The following DLG1 variants were observed in gnomAD, a reference collection of about 807,000 sequenced individuals.
DLG1 encodes discs large MAGUK scaffold protein 1.
A neutral mutation model predicts 123.4 loss-of-function variants in DLG1; 42 were observed. The ratio of observed to expected loss-of-function variants is 0.34; its 90% confidence interval spans 0.27 to 0.44. DLG1 has a LOEUF of 0.44. Among genes scored for constraint, DLG1 ranks in the 20% least tolerant of loss-of-function variants. The pLI is 1.00. For missense variants in DLG1, 942 were observed against 1,082.6 expected (o/e 0.87, Z 1.82); for synonymous variants, 317 against 356.2 (o/e 0.89, Z 1.24).
intron 6 of DLG1, among the ~76,000 whole-genome samples, chr3:197,145,113 A>C (rs1790097794): frequency 1.3e-5 from 2 of 152,024 alleles, no homozygotes; most frequent in Admixed American, 1.3e-4. Flanking sequence ...TAGGAGGAGT[A>C]ACTTCAAGAG....
chr3:197,159,180 A>AT (rs1189856069), intron 5 of DLG1, among the ~76,000 whole-genome samples: 1 of 152,200 alleles, frequency 6.6e-6, no homozygotes, highest in Non-Finnish European at 1.5e-5. Context: ...TCTTTCTGCA[A>AT]TATTAAGCAG....
In DLG1 at chr3:197,282,704, G is replaced by T. The variant is rs150727151; in HGVS notation, c.293C>A (p.Pro98Gln). 2 of 1,605,558 alleles carry T rather than the reference G, an allele frequency of 1.2e-6. No homozygotes were observed. The highest frequency in any genetic ancestry group is 1.7e-6 in the Non-Finnish European group (2 of 1,177,256). The change falls in exon 4 of 25, where the codon CCA becomes CAA. Residue 98 changes from proline (P) to glutamine (Q), a missense_variant. Transcript: ENST00000667157. ...PSSTVTSETL[P>Q]SSLSPSVEKY... is the part of the protein sequence containing the mutation. ...CTCTACACTAGGGCTAAGGCTGCTTGGCAGTGTCTCTGAAGTCACAGTAGA... is the reference window on the plus strand; with the variant it reads ...CTCTACACTAGGGCTAAGGCTGCTTTGCAGTGTCTCTGAAGTCACAGTAGA...
At chr3:197,169,910 C>T (rs1327699443) in intron 5 of DLG1, among the ~76,000 whole-genome samples, 4 of 152,134 alleles carry the variant, frequency 2.6e-5, no homozygotes, top group Non-Finnish European at 2.9e-5. Flanking sequence ...TCTCCCTCCT[C>T]GTACTCTCCA....
At chr3:197,295,061 A>G (rs964077161) in intron 3 of DLG1, among the ~76,000 whole-genome samples, 1 of 152,238 alleles carries the variant, frequency 6.6e-6, no homozygotes, top group African/African-American at 2.4e-5. Flanking sequence ...TTGATCATCC[A>G]TTCGGACCTT....
intron 22 of DLG1, among the ~76,000 whole-genome samples, chr3:197,064,953 T>C (rs550692965): frequency 2.2e-4 from 33 of 152,088 alleles, no homozygotes; most frequent in African/African-American, 7.0e-4. Flanking sequence ...ACTGTAAGGG[T>C]GCACTGCCAC....
intron 4 of DLG1, among the ~76,000 whole-genome samples, chr3:197,281,289 T>C (rs1769243513): frequency 6.6e-6 from 1 of 152,170 alleles, no homozygotes; most frequent in South Asian, 2.1e-4. Flanking sequence ...TCCACCCGCC[T>C]TGGCCTCCCA....
chr3:197,294,198 A>G (rs1776272942), intron 3 of DLG1, among the ~76,000 whole-genome samples: 1 of 152,158 alleles, frequency 6.6e-6, no homozygotes, highest in African/African-American at 2.4e-5. Context: ...AACGTTATCT[A>G]TTTCAAAACT....
intron 13 of DLG1, among the ~76,000 whole-genome samples, chr3:197,111,179 C>T (rs1184392526): frequency 6.6e-6 from 1 of 152,174 alleles, no homozygotes; most frequent in African/African-American, 2.4e-5. Flanking sequence ...ACTGCACTCA[C>T]ATTAGGGTGA....
At chr3:197,153,663 A>C (rs1463722366) in intron 5 of DLG1, among the ~76,000 whole-genome samples, 1 of 152,084 alleles carries the variant, frequency 6.6e-6, no homozygotes, top group African/African-American at 2.4e-5. Flanking sequence ...TCCCCTTCCT[A>C]CACACCAATT....
At chr3:197,262,441 T>C (rs1219955116) in intron 4 of DLG1, among the ~76,000 whole-genome samples, 3 of 152,296 alleles carry the variant, frequency 2.0e-5, no homozygotes, top group African/African-American at 7.2e-5. Flanking sequence ...CTTTATAACA[T>C]CTTTTATAAT....
rs34492126 is a variant in DLG1 at position 197,044,642 on chromosome 3, G to A, written c.2663C>T (p.Pro888Leu). The A allele has an allele frequency of 0.045, 72,697 of 1,600,904 alleles. 1,993 individuals are homozygous for A. The highest frequency in any genetic ancestry group is 0.053 in the South Asian group (4,759 of 89,330). The change falls in exon 25 of 25, where the codon CCG becomes CTG. Residue 888 changes from proline (P) to leucine (L), a missense_variant. By Grantham distance (98) the Pro-to-Leu change is moderately conservative. Coordinates refer to ENST00000667157, the MANE Select transcript of DLG1 (RefSeq NM_001366207.1). ...EEQSGSYIWV[P>L]AKEKL is the part of the protein sequence containing the mutation. ...GAGTTTTCATAGCTTTTCTTTTGCC[G>A]GAACCCAGATGTAAGAACCAGATTG...
chr3:197,221,618 G>C (rs1737110083), intron 4 of DLG1, among the ~76,000 whole-genome samples: 1 of 151,864 alleles, frequency 6.6e-6, no homozygotes, highest in Non-Finnish European at 1.5e-5. Flanking sequence ...TTACCAACTA[G>C]ATGTGTGAAG....
chr3:197,080,194 AAGC>A (rs2149046981), intron 17 of DLG1, among the ~76,000 whole-genome samples: 1 of 150,890 alleles, frequency 6.6e-6, no homozygotes, highest in South Asian at 2.1e-4. Flanking sequence ...ATTTAGATGC[AAGC>A]AGAAGGACTT....
chr3:197,226,271 C>A (rs1739876569), intron 4 of DLG1: 1 of 152,186 alleles, frequency 6.6e-6, no homozygotes, highest in Admixed American at 6.5e-5. Flanking sequence ...TTGCTAATAT[C>A]CTTAAAATGT....
intron 3 of DLG1, among the ~76,000 whole-genome samples, chr3:197,291,251 C>A (rs115096383): frequency 1.3e-5 from 2 of 149,392 alleles, no homozygotes; most frequent in Non-Finnish European, 3.0e-5. Flanking sequence ...TTTCAGCCAA[C>A]GATGTGATCC....
At position 197,295,519 on chromosome 3, in the gene DLG1, C is replaced by A. The variant is rs572926525; in HGVS notation, c.151+827G>T. Among the ~76,000 whole-genome samples the A allele has an allele frequency of 5.3e-5, 8 of 151,450 alleles. No homozygotes were observed. The East Asian group carries it at 1.6e-3, about 29-fold the overall frequency. On this transcript the variant is annotated intron_variant, in intron 3 of 24. Transcript: ENST00000667157. ...ACTTCATTCTTAGAATTGGAAGAGA[C>A]AAACTTTCTAGTTCGGTGGTTTGCA...
chr3:197,090,527 A>G (rs1757184021), intron 15 of DLG1, among the ~76,000 whole-genome samples: 1 of 152,084 alleles, frequency 6.6e-6, no homozygotes. Context: ...TACTATGGAA[A>G]TTGCCAGGTA....
rs57981766 is a variant in DLG1 at position 197,070,565 on chromosome 3, A to ATTTTTTTTTTTTTTTTTTTTTTTTTT, written c.2006-1306_2006-1305insAAAAAAAAAAAAAAAAAAAAAAAAAA. The ATTTTTTTTTTTTTTTTTTTTTTTTTT allele has an allele frequency of 1.3e-4, 10 of 76,204 alleles. 1 individual carries two copies. The highest frequency in any genetic ancestry group is 1.8e-4 in the Non-Finnish European group (7 of 38,084). 4.7% of individuals were successfully genotyped at this position (76,204 alleles called of 1,614,324 possible). ...ATCACCACACCCAGCTGGAAATTTC[A>ATTTTTTTTTTTTTTTTTTTTTTTTTT]TTTTTTTTTTTTTTTTTTTTTTGAG... On this transcript the variant is annotated intron_variant, in intron 18 of 24. Coordinates refer to ENST00000667157, the MANE Select transcript of DLG1 (RefSeq NM_001366207.1).
chr3:197,085,005 T>G (rs918754332), intron 16 of DLG1, among the ~76,000 whole-genome samples: 2 of 151,672 alleles, frequency 1.3e-5, no homozygotes, highest in Non-Finnish European at 2.9e-5. Flanking sequence ...CAGGCTCGTC[T>G]TGAACTCCTG....
Sources: allele counts gnomAD v4.1 joint callset (sites outside exome capture counted in the v4.1 genomes callset), GRCh38; gene constraint gnomAD v4.1.1; transcripts MANE v1.5; gene names NCBI Gene and HGNC (gene_info 2026-07-23, HGNC 2026-07-21).